The following RARB variants were observed in gnomAD, a reference collection of about 807,000 sequenced individuals.
RARB encodes HBV-activated protein.
Under a neutral mutation model 51.9 loss-of-function variants are expected in RARB, and 17 were observed. That is an observed-to-expected ratio of 0.33 (90% CI 0.22 to 0.49). The LOEUF (loss-of-function observed/expected upper bound fraction) is 0.49, where lower values mean the gene tolerates loss of function less well. RARB is among the 20% of genes least tolerant of loss of function. RARB has a pLI of 0.99. For synonymous variants in RARB, 215 were observed against 195.4 expected (o/e 1.10, Z -0.84); for missense variants, 369 against 550.8 (o/e 0.67, Z 3.30).
intron 2 of RARB, among the ~76,000 whole-genome samples, chr3:25,010,822 A>C (rs1038074362): frequency 1.3e-5 from 2 of 152,042 alleles, no homozygotes; most frequent in African/African-American, 4.8e-5. Context: ...CCTCCTTTTA[A>C]ACTCTCAGAA....
At chr3:25,450,152 C>A (rs1004058750) in intron 1 of RARB, among the ~76,000 whole-genome samples, 2 of 152,146 alleles carry the variant, frequency 1.3e-5, no homozygotes, top group Admixed American at 6.5e-5. Context: ...ACAGTATATG[C>A]TCCATGAGTG....
intron 5 of RARB, among the ~76,000 whole-genome samples, chr3:25,340,530 T>C (rs969434968): frequency 3.3e-5 from 5 of 152,202 alleles, no homozygotes; most frequent in African/African-American, 1.2e-4. Context: ...ACAAGCAGCA[T>C]GGACATGTGA....
intron 2 of RARB, among the ~76,000 whole-genome samples, chr3:24,991,697 G>A (rs12496073): frequency 0.31 from 46,696 of 151,588 alleles, 8,220 homozygotes; most frequent in East Asian, 0.52. Flanking sequence ...TTTTAAAAAT[G>A]CATATAAGTA....
At chr3:25,352,088 G>T (rs1480198377) in intron 5 of RARB, among the ~76,000 whole-genome samples, 1 of 152,144 alleles carries the variant, frequency 6.6e-6, no homozygotes, top group Non-Finnish European at 1.5e-5. Flanking sequence ...AGTGAATTTG[G>T]AGTTCTGCGT....
At chr3:25,358,341 G>T (rs1326504938) in intron 5 of RARB, among the ~76,000 whole-genome samples, 1 of 152,004 alleles carries the variant, frequency 6.6e-6, no homozygotes, top group East Asian at 1.9e-4. Flanking sequence ...GTATCCTAAG[G>T]CTTTGCTGAA....
intron 3 of RARB, among the ~76,000 whole-genome samples, chr3:25,550,570 C>A (rs895261291): frequency 6.6e-6 from 1 of 152,118 alleles, no homozygotes; most frequent in Non-Finnish European, 1.5e-5. Context: ...CCAAAGGCCT[C>A]GCCTTTGAAT....
intron 5 of RARB, among the ~76,000 whole-genome samples, chr3:25,367,953 G>A (rs933848650): frequency 2.6e-5 from 4 of 152,090 alleles, no homozygotes; most frequent in Non-Finnish European, 5.9e-5. Flanking sequence ...GCACTGGGGC[G>A]GACAGGCAAT....
At chr3:25,587,258 G>T (rs4681028) in intron 5 of RARB, among the ~76,000 whole-genome samples, 35,172 of 152,106 alleles carry the variant, frequency 0.23, 4,295 homozygotes, top group East Asian at 0.3. Context: ...TATGAAGTGT[G>T]GTGTCTGAGC....
chr3:25,467,179 A>G (rs146322522), intron 2 of RARB, among the ~76,000 whole-genome samples: 1,693 of 152,384 alleles, frequency 0.011, 16 homozygotes, highest in Non-Finnish European at 0.012. Flanking sequence ...AGCTACGTCC[A>G]GAAATACCTG....
chr3:25,335,158 G>T (rs1221592285), intron 5 of RARB, among the ~76,000 whole-genome samples: 2 of 152,156 alleles, frequency 1.3e-5, no homozygotes, highest in African/African-American at 4.8e-5. Flanking sequence ...CAAGCATACT[G>T]TATAGGTTTG....
intron 4 of RARB, among the ~76,000 whole-genome samples, chr3:25,156,458 G>A (rs1700375189): frequency 8.3e-6 from 1 of 121,176 alleles, no homozygotes; most frequent in Non-Finnish European, 1.6e-5. Flanking sequence ...ATGCTTTCTT[G>A]CTATTAATTT....
intron 5 of RARB, among the ~76,000 whole-genome samples, chr3:25,306,540 G>T (rs576058138): frequency 1.6e-4 from 25 of 151,728 alleles, no homozygotes; most frequent in African/African-American, 5.8e-4. Flanking sequence ...GAAGAAGAAA[G>T]GAGGAAAGAA....
chr3:25,336,241 G>T (rs961101824), intron 5 of RARB, among the ~76,000 whole-genome samples: 1 of 152,066 alleles, frequency 6.6e-6, no homozygotes, highest in Non-Finnish European at 1.5e-5. Context: ...AGATTTAGTA[G>T]TTTTTCTTTC....
intron 1 of RARB, among the ~76,000 whole-genome samples, chr3:24,844,036 A>T (rs1044264325): frequency 2.6e-5 from 4 of 152,138 alleles, no homozygotes; most frequent in African/African-American, 7.2e-5. Flanking sequence ...GATCCTCAAT[A>T]AATGTTTATT....
chr3:24,949,450 A>G (rs1263897828), intron 2 of RARB, among the ~76,000 whole-genome samples: 1 of 152,200 alleles, frequency 6.6e-6, no homozygotes, highest in Non-Finnish European at 1.5e-5. Flanking sequence ...GAGGAAAGGG[A>G]AATTGTTAAA....
intron 5 of RARB, among the ~76,000 whole-genome samples, chr3:25,343,955 A>G (rs1337504160): frequency 1.3e-5 from 2 of 152,182 alleles, no homozygotes; most frequent in East Asian, 3.9e-4. Flanking sequence ...AAATTATGAC[A>G]GGAAAGTGTA....
intron 5 of RARB, among the ~76,000 whole-genome samples, chr3:25,353,781 C>T (rs1705647757): frequency 6.6e-6 from 1 of 152,050 alleles, no homozygotes; most frequent in South Asian, 2.1e-4. Context: ...AAAATAGGCC[C>T]AGCGGTCTTT....
intron 2 of RARB, among the ~76,000 whole-genome samples, chr3:25,471,100 A>G (rs1695665442): frequency 6.6e-6 from 1 of 152,244 alleles, no homozygotes; most frequent in Non-Finnish European, 1.5e-5. Context: ...AATGAATTGC[A>G]TCTAATTACA....
intron 3 of RARB, among the ~76,000 whole-genome samples, chr3:25,504,478 G>A (rs1425589069): frequency 5.3e-5 from 8 of 152,240 alleles, no homozygotes; most frequent in East Asian, 1.9e-4. Context: ...GATTAGCCAG[G>A]TCTGGATCAT....
Sources: gnomAD v4.1 joint callset for allele counts (sites outside exome capture counted in the v4.1 genomes callset) on GRCh38, gnomAD v4.1.1 for gene constraint, MANE v1.5 for transcripts, NCBI Gene and HGNC (gene_info 2026-07-23, HGNC 2026-07-21) for gene names.